Variants in NCKAP5 observed in about 807,000 individuals in gnomAD.
NCKAP5 encodes the protein NCK associated protein 5, also known as nck-associated protein 5.
A neutral mutation model predicts 167.0 loss-of-function variants in NCKAP5; 92 were observed. The observed-to-expected ratio is 0.55, with a 90% CI of 0.47 to 0.66. The LOEUF (loss-of-function observed/expected upper bound fraction) is 0.66, where lower values mean the gene tolerates loss of function less well. Among genes scored for constraint, NCKAP5 ranks in the 30% least tolerant of loss-of-function variants. NCKAP5 has a pLI of 0.00. For missense variants in NCKAP5, 2,378 were observed against 2,315.0 expected (o/e 1.03, Z -0.56); for synonymous variants, 891 against 877.4 (o/e 1.02, Z -0.27).
intron 4 of NCKAP5, among the ~76,000 whole-genome samples, chr2:133,290,202 T>C (rs1679472312): frequency 6.6e-6 from 1 of 152,174 alleles, no homozygotes; most frequent in Non-Finnish European, 1.5e-5. Context: ...AAAAGTAGCT[T>C]GATCTACATG....
intron 6 of NCKAP5, chr2:133,118,917 C>A (rs746513136): frequency 1.1e-4 from 17 of 152,016 alleles, no homozygotes; most frequent in Non-Finnish European, 2.5e-4. Flanking sequence ...AAGCAGAGAC[C>A]ATAAAAGAGG....
intron 8 of NCKAP5, among the ~76,000 whole-genome samples, chr2:132,894,482 A>G (rs185993247): frequency 4.5e-4 from 69 of 152,264 alleles, no homozygotes; most frequent in African/African-American, 1.6e-3. Flanking sequence ...ATTGCAGTGA[A>G]TGTATGACTC....
At chr2:133,164,126 T>C (rs763247277) in intron 5 of NCKAP5, among the ~76,000 whole-genome samples, 8 of 152,212 alleles carry the variant, frequency 5.3e-5, no homozygotes, top group Non-Finnish European at 1.2e-4. Context: ...AACAGTTCAC[T>C]GTGTACAGGT....
chr2:132,922,460 C>T (rs1695517792), intron 8 of NCKAP5, among the ~76,000 whole-genome samples: 1 of 152,134 alleles, frequency 6.6e-6, no homozygotes, highest in Admixed American at 6.6e-5. Flanking sequence ...TTTAATGAGA[C>T]CCCAAAGGTT....
chr2:133,579,451 A>G, the NCKAP5 span, among the ~76,000 whole-genome samples: 1 of 152,212 alleles, frequency 6.6e-6, no homozygotes, highest in African/African-American at 2.4e-5. Flanking sequence ...AGTGAATCAC[A>G]GCAGAGACTT....
Position 133,214,492 on chromosome 2 carries a change from ATTAT to A in NCKAP5, c.144-717_144-714del, listed in dbSNP as rs535033153. On this transcript the variant is annotated intron_variant, in intron 4 of 19. Coordinates refer to ENST00000409261, the MANE Select transcript of NCKAP5 (RefSeq NM_207363.3). ...TATAAAATGTAGACTTAAAAATCAG[ATTAT>A]TTATTTATTTTAGTACTCCTTATTT... Among the ~76,000 whole-genome samples, 462 of 152,284 alleles carry A rather than the reference ATTAT, an allele frequency of 3.0e-3. 1 individual carries two copies. Among genetic ancestry groups the A allele is most frequent in the African/African-American group, 0.01 (428 of 41,566 alleles).
At chr2:133,657,222 C>T in the NCKAP5 span, among the ~76,000 whole-genome samples, 1 of 152,198 alleles carries the variant, frequency 6.6e-6, no homozygotes, top group Non-Finnish European at 1.5e-5. Flanking sequence ...ATTGTGTGCC[C>T]CAGTTCTCTT....
intron 3 of NCKAP5, among the ~76,000 whole-genome samples, chr2:133,505,589 C>T (rs943977300): frequency 6.6e-5 from 10 of 152,066 alleles, no homozygotes; most frequent in Non-Finnish European, 1.0e-4. Context: ...GAATAAGAGA[C>T]GATCACCTCT....
intron 5 of NCKAP5, among the ~76,000 whole-genome samples, chr2:133,182,628 C>T (rs115442219): frequency 2.6e-5 from 4 of 151,890 alleles, no homozygotes; most frequent in Admixed American, 6.6e-5. Context: ...TAAAGCAATG[C>T]CATGAGGGAA....
intron 19 of NCKAP5, among the ~76,000 whole-genome samples, chr2:132,721,246 T>A (rs1680857765): frequency 6.6e-6 from 1 of 152,080 alleles, no homozygotes; most frequent in African/African-American, 2.4e-5. Flanking sequence ...AGACGGAGGT[T>A]GCAATGAGCT....
rs902997614 is a variant in NCKAP5, at chr2:133,355,307, T to C, written c.70-52197A>G. ...AGGGCTAGTTACTGTTGAGTATAAA[T>C]GTGCCACTTTATATGCAAATAAAAT... On this transcript the variant is annotated intron_variant, in intron 3 of 19. Coordinates refer to ENST00000409261, the MANE Select transcript of NCKAP5 (RefSeq NM_207363.3). Among the ~76,000 whole-genome samples the C allele has an allele frequency of 3.5e-4, 54 of 152,196 alleles. 1 individual carries two copies. The highest frequency in any genetic ancestry group is 1.0e-3 in the African/African-American group (42 of 41,458).
chr2:133,521,635 T>C (rs1684484878), intron 2 of NCKAP5, among the ~76,000 whole-genome samples: 1 of 152,208 alleles, frequency 6.6e-6, no homozygotes, highest in South Asian at 2.1e-4. Context: ...TGTCCTCACA[T>C]GGCCTTTGCT....
At chr2:133,652,124 G>T in the NCKAP5 span, among the ~76,000 whole-genome samples, 4 of 152,264 alleles carry the variant, frequency 2.6e-5, no homozygotes, top group African/African-American at 7.2e-5. Context: ...GTTGTGGAAG[G>T]CACCTGATAA....
chr2:133,253,109 G>A (rs2088434610), intron 4 of NCKAP5, among the ~76,000 whole-genome samples: 1 of 152,184 alleles, frequency 6.6e-6, no homozygotes. Context: ...CAGAGTTCCT[G>A]CTGGGCAATC....
intron 6 of NCKAP5, among the ~76,000 whole-genome samples, chr2:133,057,702 G>A (rs1045366388): frequency 6.6e-6 from 1 of 152,200 alleles, no homozygotes; most frequent in Non-Finnish European, 1.5e-5. Flanking sequence ...ACCATAACAC[G>A]AAAATGCAAG....
rs778340322 is a variant in NCKAP5 at position 132,783,728 on chromosome 2, G to T, written c.3083C>A (p.Ser1028Tyr). The T allele has an allele frequency of 6.2e-7, 1 of 1,610,650 alleles. No individual in the cohort carries two copies. Among genetic ancestry groups the T allele is most frequent in the African/African-American group, 1.3e-5 (1 of 74,744 alleles). Reference sequence around the variant, plus strand: ...AGGCCCCAGAGCCATTACGGTGAAGGAGCTGGAGGGGGCATGAGCAGGGCA... The same window carrying T: ...AGGCCCCAGAGCCATTACGGTGAAGTAGCTGGAGGGGGCATGAGCAGGGCA... Reference protein sequence around the residue: ...TRCPAHAPSSSFTVMALGPPK... With the variant: ...TRCPAHAPSSYFTVMALGPPK... The change falls in exon 14 of 20, where the codon TCC (serine) becomes TAC (tyrosine). Residue 1028 changes from serine (S) to tyrosine (Y), a missense_variant. By Grantham distance (144) the Ser-to-Tyr change is moderately radical (BLOSUM62 -2). Around this residue, in one of 3 missense-constraint regions of NCKAP5, gnomAD observed 1,325 missense variants for 1,274.5 expected, o/e 1.04. Transcript: ENST00000409261.
chr2:133,044,475 T>C (rs1441587848), intron 6 of NCKAP5, among the ~76,000 whole-genome samples: 1 of 152,172 alleles, frequency 6.6e-6, no homozygotes, highest in South Asian at 2.1e-4. Context: ...AAACATGTAA[T>C]AAGATGGTCA....
At chr2:133,528,366 G>A (rs1685095081) in intron 2 of NCKAP5, among the ~76,000 whole-genome samples, 1 of 151,244 alleles carries the variant, frequency 6.6e-6, no homozygotes, top group Admixed American at 6.6e-5. Context: ...TTTTATTCAG[G>A]CTTTGAAGGC....
intron 11 of NCKAP5, among the ~76,000 whole-genome samples, chr2:132,831,656 C>T (rs913112687): frequency 4.0e-5 from 6 of 151,850 alleles, no homozygotes; most frequent in Admixed American, 6.6e-5. Flanking sequence ...ATTTTTCCCT[C>T]TCTGTTTCTT....
Sources: allele counts gnomAD v4.1 joint callset (sites outside exome capture counted in the v4.1 genomes callset), GRCh38; gene constraint gnomAD v4.1.1; regional missense constraint gnomAD v4.1.1; transcripts MANE v1.5; gene names NCBI Gene and HGNC (gene_info 2026-07-23, HGNC 2026-07-21).